The following ERBB4 variants were observed in gnomAD, a reference collection of about 807,000 sequenced individuals.
The protein encoded by ERBB4 is erb-b2 receptor tyrosine kinase 4, also known as receptor tyrosine-protein kinase erbB-4.
ERBB4 carries 42 observed loss-of-function variants against 158.0 expected under a neutral mutation model. The ratio of observed to expected loss-of-function variants is 0.27; its 90% CI spans 0.21 to 0.34. The LOEUF (loss-of-function observed/expected upper bound fraction) is 0.34, where lower values mean the gene tolerates loss of function less well. Among genes scored for constraint, ERBB4 ranks in the 10% least tolerant of loss-of-function variants. The pLI, the probability that ERBB4 is intolerant of heterozygous loss-of-function variation, is 1.00. For missense variants in ERBB4, 1,333 were observed against 1,624.1 expected (o/e 0.82, Z 3.08); for synonymous variants, 583 against 558.7 (o/e 1.04, Z -0.61).
rs142977053 is a variant in ERBB4, at chr2:211,523,682, A to T, written c.2487+38221T>A. Among the ~76,000 whole-genome samples, 261 of 152,012 alleles carry T rather than the reference A, an allele frequency of 1.7e-3. 1 individual carries two copies. Among genetic ancestry groups the T allele is most frequent in the Non-Finnish European group, 3.1e-3 (209 of 67,974 alleles). On this transcript the variant is annotated intron_variant, in intron 20 of 27. Transcript: ENST00000342788. ...GCCGGCTTCAGGAGTGAAGCTGCAGACTTTCGCAGTGAGTGTTACAGCTCA... is the reference window on the plus strand; with the variant it reads ...GCCGGCTTCAGGAGTGAAGCTGCAGTCTTTCGCAGTGAGTGTTACAGCTCA...
rs1018426460 is a variant in ERBB4 at position 211,382,275 on chromosome 2, C to G, written c.*1340G>C. On this transcript the variant is annotated 3_prime_UTR_variant, in exon 28 of 28. Transcript: ENST00000342788. ...CAATCCTTACTCGCATTCCTTCTTA[C>G]GAAGTATACGAACTGAACAAATTTC... is the stretch of plus-strand genomic sequence containing the variant. 2 of 231,782 alleles carry G rather than the reference C, an allele frequency of 8.6e-6. No homozygotes were observed. The highest frequency in any genetic ancestry group is 1.7e-5 in the Non-Finnish European group (2 of 117,228). 14.4% of individuals were successfully genotyped at this position (231,782 alleles called of 1,614,324 possible).
At chr2:211,482,590 A>T (rs528981357) in intron 20 of ERBB4, among the ~76,000 whole-genome samples, 40 of 152,304 alleles carry the variant, frequency 2.6e-4, no homozygotes, top group African/African-American at 9.4e-4. Flanking sequence ...CAGAAAAATA[A>T]AAGCAATACC....
chr2:211,748,600 C>T (rs1474118116), intron 5 of ERBB4, among the ~76,000 whole-genome samples: 1 of 152,202 alleles, frequency 6.6e-6, no homozygotes, highest in Non-Finnish European at 1.5e-5. Context: ...ACTGGCTGAA[C>T]CCCATGGGCC....
chr2:211,925,946 G>C (rs891262704), intron 3 of ERBB4, among the ~76,000 whole-genome samples: 1 of 151,930 alleles, frequency 6.6e-6, no homozygotes, highest in Non-Finnish European at 1.5e-5. Flanking sequence ...CAATTAAGTA[G>C]AACCAGATAA....
intron 1 of ERBB4, among the ~76,000 whole-genome samples, chr2:212,206,746 C>T (rs1199217957): frequency 6.6e-6 from 1 of 151,720 alleles, no homozygotes; most frequent in Non-Finnish European, 1.5e-5. Context: ...GCCACTGCGC[C>T]CAGCTAATTT....
chr2:211,461,988 A>G (rs1176909374), intron 20 of ERBB4, among the ~76,000 whole-genome samples: 4 of 152,144 alleles, frequency 2.6e-5, no homozygotes, highest in Non-Finnish European at 4.4e-5. Flanking sequence ...GGCAATTAAA[A>G]TGCTCCGGTA....
chr2:211,529,181 T>C (rs904676525), intron 20 of ERBB4, among the ~76,000 whole-genome samples: 26 of 150,292 alleles, frequency 1.7e-4, no homozygotes, highest in African/African-American at 6.3e-4. Context: ...ACATTACAAC[T>C]TGTACTACTG....
intron 3 of ERBB4, among the ~76,000 whole-genome samples, chr2:211,864,038 G>A (rs79193575): frequency 0.014 from 2,072 of 152,202 alleles, 53 homozygotes; most frequent in African/African-American, 0.046. Flanking sequence ...AGTAGCAAGG[G>A]GCCAAGACCA....
intron 5 of ERBB4, among the ~76,000 whole-genome samples, chr2:211,730,822 G>A (rs576406543): frequency 4.7e-4 from 71 of 152,104 alleles, no homozygotes; most frequent in Non-Finnish European, 8.2e-4. Flanking sequence ...GTTTTAATAA[G>A]CTCCCTGGGA....
Position 212,005,274 on chromosome 2 carries a change from T to A in ERBB4, c.235-57658A>T, listed in dbSNP as rs192046384. 5.5e-3 allele frequency among the ~76,000 whole-genome samples: 837 copies of A among 152,266 alleles called. 5 individuals are homozygous for A. Among genetic ancestry groups the A allele is most frequent in the Non-Finnish European group, 9.6e-3 (650 of 68,020 alleles). On this transcript the variant is annotated intron_variant, in intron 2 of 27. Coordinates refer to ENST00000342788, the MANE Select transcript of ERBB4 (RefSeq NM_005235.3). ...AACTCGAAATTTTGCCGCCCGGACCTCTAGAGGGCAGACCTGGAACCTCTC... is the reference window on the plus strand; with the variant it reads ...AACTCGAAATTTTGCCGCCCGGACCACTAGAGGGCAGACCTGGAACCTCTC...
rs1034616844 is a variant in ERBB4, at chr2:212,411,721, G to GTC, written c.82+126726_82+126727dup. 5.3e-5 allele frequency among the ~76,000 whole-genome samples: 8 copies of GTC among 152,222 alleles called. No individual in the cohort carries two copies. In the East Asian group the frequency reaches 7.7e-4, roughly 15 times the overall value. On this transcript the variant is annotated intron_variant, in intron 1 of 27. Transcript: ENST00000342788. ...TGTGATCTCTGTGGGGAAGTCAACA[G>GTC]TCTCTCTCTCCCTTGCACCTTTGGT...
At chr2:212,178,401 A>G (rs2125685612) in intron 1 of ERBB4, among the ~76,000 whole-genome samples, 1 of 151,830 alleles carries the variant, frequency 6.6e-6, no homozygotes, top group East Asian at 1.9e-4. Context: ...AAGAAGGAGG[A>G]AAGTGGAGAG....
At chr2:212,402,583 T>A (rs1183566643) in intron 1 of ERBB4, among the ~76,000 whole-genome samples, 2 of 152,084 alleles carry the variant, frequency 1.3e-5, no homozygotes, top group Non-Finnish European at 2.9e-5. Context: ...TTGTAAAATG[T>A]GACTACTGTG....
chr2:211,939,966 A>AAAATAT (rs1491239788), intron 3 of ERBB4, among the ~76,000 whole-genome samples: 36 of 137,438 alleles, frequency 2.6e-4, no homozygotes, highest in Middle Eastern at 3.5e-3. Flanking sequence ...GGAAAAAAAA[A>AAAATAT]ATATATATAT....
At chr2:212,278,698 A>C (rs1238140072) in intron 1 of ERBB4, among the ~76,000 whole-genome samples, 2 of 151,722 alleles carry the variant, frequency 1.3e-5, no homozygotes, top group Non-Finnish European at 3.0e-5. Context: ...AGTAAGGCAC[A>C]TTTGGTAGCT....
intron 12 of ERBB4, among the ~76,000 whole-genome samples, chr2:211,681,571 T>C (rs1233974030): frequency 3.3e-5 from 5 of 152,248 alleles, no homozygotes; most frequent in Admixed American, 1.3e-4. Flanking sequence ...AATTTGAATG[T>C]AGTAGTTCCT....
intron 19 of ERBB4, among the ~76,000 whole-genome samples, chr2:211,586,601 T>C (rs1264955946): frequency 6.6e-6 from 1 of 152,178 alleles, no homozygotes; most frequent in Non-Finnish European, 1.5e-5. Context: ...GGAACTCTAT[T>C]CCTCCTTTTA....
intron 2 of ERBB4, among the ~76,000 whole-genome samples, chr2:211,958,614 A>G (rs1344591335): frequency 6.6e-6 from 1 of 152,128 alleles, no homozygotes; most frequent in Non-Finnish European, 1.5e-5. Flanking sequence ...TGGAGGAAAT[A>G]TTAAAACAAC....
chr2:212,237,762 A>G (rs185755427), intron 1 of ERBB4, among the ~76,000 whole-genome samples: 19 of 152,306 alleles, frequency 1.2e-4, no homozygotes, highest in African/African-American at 4.3e-4. Context: ...CCTTTCTTTC[A>G]GAGATGTCCT....
Sources: allele counts gnomAD v4.1 joint callset (sites outside exome capture counted in the v4.1 genomes callset), GRCh38; gene constraint gnomAD v4.1.1; transcripts MANE v1.5; gene names NCBI Gene and HGNC (gene_info 2026-07-23, HGNC 2026-07-21).